Variants in PPM1E observed in about 807,000 individuals in gnomAD.
PPM1E encodes protein phosphatase 1E.
PPM1E carries 20 observed loss-of-function variants against 65.9 expected under a neutral mutation model. The ratio of observed to expected loss-of-function variants is 0.30; its 90% confidence interval spans 0.21 to 0.44. The LOEUF is 0.44. Ranked by LOEUF, PPM1E falls within the 20% of genes least tolerant of loss-of-function variation. The pLI is 1.00. For synonymous variants in PPM1E, 352 were observed against 374.9 expected (o/e 0.94, Z 0.70); for missense variants, 713 against 953.1 (o/e 0.75, Z 3.32).
chr17:58,830,673 TA>T (rs2050595645), intron 1 of PPM1E, among the ~76,000 whole-genome samples: 1 of 151,852 alleles, frequency 6.6e-6, no homozygotes, highest in African/African-American at 2.4e-5. Context: ...TGGTTTACTT[TA>T]TTTTTTTTTA....
intron 2 of PPM1E, among the ~76,000 whole-genome samples, chr17:58,959,866 TA>T (rs2029977369): frequency 1.3e-5 from 2 of 151,912 alleles, no homozygotes; most frequent in African/African-American, 4.8e-5. Context: ...TGGGGGAAAA[TA>T]AAAATAAACA....
chr17:58,928,116 C>G (rs1477492668), intron 1 of PPM1E, among the ~76,000 whole-genome samples: 1 of 151,772 alleles, frequency 6.6e-6, no homozygotes, highest in Non-Finnish European at 1.5e-5. Flanking sequence ...TCTGTGATCT[C>G]AGCTACACGA....
At chr17:58,923,110 A>AC (rs71143302) in intron 1 of PPM1E, among the ~76,000 whole-genome samples, 150,470 of 150,726 alleles carry the variant, frequency 1, 75,107 homozygotes, top group South Asian at 1. Flanking sequence ...ACATGGCAAA[A>AC]CCCATCTCTA....
chr17:58,946,169 T>A (rs1213136342), intron 1 of PPM1E, among the ~76,000 whole-genome samples: 1 of 151,772 alleles, frequency 6.6e-6, no homozygotes, highest in Non-Finnish European at 1.5e-5. Context: ...TTCCAAGGGA[T>A]TTAGAAGCTC....
intron 1 of PPM1E, among the ~76,000 whole-genome samples, chr17:58,813,332 A>G (rs1175167393): frequency 6.6e-6 from 1 of 152,154 alleles, no homozygotes; most frequent in African/African-American, 2.4e-5. Context: ...AATTTCTCTT[A>G]CTATTGATAG....
intron 1 of PPM1E, among the ~76,000 whole-genome samples, chr17:58,880,512 C>G (rs1328148142): frequency 6.6e-6 from 1 of 152,152 alleles, no homozygotes; most frequent in East Asian, 1.9e-4. Flanking sequence ...ACGATATCTC[C>G]TGAACATGTA....
intron 2 of PPM1E, among the ~76,000 whole-genome samples, chr17:58,957,567 G>C (rs1466951470): frequency 6.6e-6 from 1 of 152,044 alleles, no homozygotes; most frequent in Non-Finnish European, 1.5e-5. Context: ...AGTGTGAACT[G>C]CACCACAGAG....
At chr17:58,789,001 C>T (rs1000149980) in intron 1 of PPM1E, among the ~76,000 whole-genome samples, 2 of 152,222 alleles carry the variant, frequency 1.3e-5, no homozygotes, top group African/African-American at 4.8e-5. Context: ...GCTTCAGTTA[C>T]ACTGCCTTCA....
chr17:58,836,325 A>G (rs1488824482), intron 1 of PPM1E, among the ~76,000 whole-genome samples: 2 of 151,928 alleles, frequency 1.3e-5, no homozygotes, highest in African/African-American at 2.4e-5. Flanking sequence ...CCTTCTTCTT[A>G]TCTAAATCAA....
At chr17:58,794,522 A>G (rs892577857) in intron 1 of PPM1E, among the ~76,000 whole-genome samples, 1 of 152,184 alleles carries the variant, frequency 6.6e-6, no homozygotes. Flanking sequence ...GGTAATAAGC[A>G]TAGTACCCAA....
At chr17:58,907,197 G>A (rs1460497589) in intron 1 of PPM1E, among the ~76,000 whole-genome samples, 2 of 151,862 alleles carry the variant, frequency 1.3e-5, no homozygotes, top group East Asian at 3.9e-4. Flanking sequence ...AGTGAGCCAG[G>A]ATCGCGCCAC....
intron 2 of PPM1E, among the ~76,000 whole-genome samples, chr17:58,964,161 G>A (rs2030138169): frequency 6.6e-6 from 1 of 152,146 alleles, no homozygotes; most frequent in Non-Finnish European, 1.5e-5. Flanking sequence ...ATTGGAGGAG[G>A]CACGTGTAGC....
intron 1 of PPM1E, among the ~76,000 whole-genome samples, chr17:58,916,386 G>A (rs2051683371): frequency 6.6e-6 from 1 of 152,080 alleles, no homozygotes; most frequent in South Asian, 2.1e-4. Flanking sequence ...ATTAATTCTT[G>A]TACATTCTCC....
At position 58,969,603 on chromosome 17, in the gene PPM1E, A is replaced by T; in HGVS notation, c.848A>T (p.Tyr283Phe). Residue 283 changes from tyrosine to phenylalanine, a missense_variant, in exon 4 of 7, where the codon TAT (tyrosine) becomes TTT (phenylalanine). Tyr to Phe is a conservative substitution (Grantham distance 22). Transcript: ENST00000308249. ...CATGGGGGAGTAGATGCTGCTATTTATGCCTCCATTCACCTCCACGTTAAC... is the reference window on the plus strand; with the variant it reads ...CATGGGGGAGTAGATGCTGCTATTTTTGCCTCCATTCACCTCCACGTTAAC... Reference protein sequence around the residue: ...DGHGGVDAAIYASIHLHVNLV... With the variant: ...DGHGGVDAAIFASIHLHVNLV... 1 of 1,614,058 alleles carries T rather than the reference A, an allele frequency of 6.2e-7. No homozygotes were observed. Among genetic ancestry groups the T allele is most frequent in the Non-Finnish European group, 8.5e-7 (1 of 1,180,004 alleles).
chr17:58,833,253 A>G (rs1047825687), intron 1 of PPM1E, among the ~76,000 whole-genome samples: 1 of 150,954 alleles, frequency 6.6e-6, no homozygotes, highest in Admixed American at 6.7e-5. Flanking sequence ...TCACACCCCA[A>G]TCCTAACCCC....
rs188629531 is a variant in PPM1E at position 58,907,848 on chromosome 17, T to C, written c.465-47801T>C. Among the ~76,000 whole-genome samples, 186 of 152,344 alleles carry C rather than the reference T, an allele frequency of 1.2e-3. 1 individual carries two copies. Among genetic ancestry groups the C allele is most frequent in the Non-Finnish European group, 2.0e-3 (133 of 68,028 alleles). ...TTAGTGTTATCATGGTATTTTTCTC[T>C]ATTTTCTTTCATCTATATGTGTCTT... is the stretch of plus-strand genomic sequence containing the variant. On this transcript the variant is annotated intron_variant, in intron 1 of 6. Coordinates refer to ENST00000308249, the MANE Select transcript of PPM1E (RefSeq NM_014906.5).
At chr17:58,975,428 G>A (rs1407353068) in intron 6 of PPM1E, among the ~76,000 whole-genome samples, 1 of 152,142 alleles carries the variant, frequency 6.6e-6, no homozygotes, top group Non-Finnish European at 1.5e-5. Context: ...CCTGAGCCCA[G>A]GATTTTGAGA....
At chr17:58,814,084 C>CA (rs1598587269) in intron 1 of PPM1E, among the ~76,000 whole-genome samples, 2 of 152,226 alleles carry the variant, frequency 1.3e-5, no homozygotes. Flanking sequence ...ACATGTTAAA[C>CA]AGAGTTTCCA....
intron 1 of PPM1E, among the ~76,000 whole-genome samples, chr17:58,880,249 T>G (rs946797151): frequency 3.3e-5 from 5 of 152,200 alleles, no homozygotes; most frequent in Non-Finnish European, 7.3e-5. Flanking sequence ...ATCTCCTGCT[T>G]TTAAGAAACA....
Sources: allele counts gnomAD v4.1 joint callset (sites outside exome capture counted in the v4.1 genomes callset), GRCh38; gene constraint gnomAD v4.1.1; transcripts MANE v1.5; gene names NCBI Gene and HGNC (gene_info 2026-07-23, HGNC 2026-07-21).